TTC1: variants seen among roughly 807,000 people sequenced by gnomAD.
The protein encoded by TTC1 is tetratricopeptide repeat protein 1.
A neutral mutation model predicts 37.6 loss-of-function variants in TTC1; 31 were observed. The ratio of observed to expected loss-of-function variants is 0.82; its 90% CI spans 0.62 to 1.11. The LOEUF is 1.11. TTC1 is among the 50% of genes most tolerant of loss of function. The probability of loss-of-function intolerance (pLI) is 0.00; values close to 1 mark genes in which losing one functional copy is unlikely to be tolerated. For missense variants in TTC1, 351 were observed against 339.0 expected (o/e 1.04, Z -0.28); for synonymous variants, 127 against 122.4 (o/e 1.04, Z -0.25).
chr5:160,012,587 T>TC (rs1243202790), intron 2 of TTC1, among the ~76,000 whole-genome samples: 1 of 152,130 alleles, frequency 6.6e-6, no homozygotes, highest in Non-Finnish European at 1.5e-5. Flanking sequence ...AAGGCTGGTC[T>TC]CCAACTCCTG....
Position 160,037,843 on chromosome 5 carries a change from A to C in TTC1, c.504+1040A>C, listed in dbSNP as rs932515743. On this transcript the variant is annotated intron_variant, in intron 4 of 7. Coordinates refer to ENST00000231238, the MANE Select transcript of TTC1 (RefSeq NM_003314.3). ...ATGGCTACTTACATCCAAAGTACAA[A>C]GGATAGGTTATTTAACATACCTTTA... 4.6e-5 allele frequency among the ~76,000 whole-genome samples: 7 copies of C among 152,196 alleles called. No homozygotes were observed. In the East Asian group the frequency reaches 1.3e-3, roughly 29 times the overall value.
rs1186252549 is a variant in TTC1, at chr5:160,049,545, A to G, written c.573A>G (p.Ala191=). The G allele has an allele frequency of 1.3e-6, 2 of 1,593,414 alleles. No homozygotes were observed. The highest frequency in any genetic ancestry group is 1.7e-6 in the Non-Finnish European group (2 of 1,172,582). Residue 191 remains alanine (A), a synonymous_variant, in exon 6 of 8, where the codon GCA becomes GCG. Transcript: ENST00000231238. ...AATTAAACCCCAGCTATATCAGGGC[A>G]ATATTGAGGAGAGCAGAGTTGTATG... ...AIQLNPSYIR[A]ILRRAELYEK...
At chr5:160,016,071 A>G (rs1256292969) in intron 2 of TTC1, among the ~76,000 whole-genome samples, 2 of 152,174 alleles carry the variant, frequency 1.3e-5, no homozygotes, top group Admixed American at 6.5e-5. Context: ...TGTAGTATAC[A>G]ATGCAGTTGT....
intron 7 of TTC1, among the ~76,000 whole-genome samples, chr5:160,052,548 CAAAAAAA>C (rs557157232): frequency 1.1e-3 from 74 of 68,098 alleles, no homozygotes; most frequent in Middle Eastern, 0.011. Context: ...TCTATTTTAG[CAAAAAAA>C]AAAAAAAAAA....
At chr5:160,031,670 C>T (rs1224139180) in intron 2 of TTC1, among the ~76,000 whole-genome samples, 2 of 151,952 alleles carry the variant, frequency 1.3e-5, no homozygotes, top group Non-Finnish European at 2.9e-5. Flanking sequence ...TGGAGCCTTT[C>T]GCTTTGCTAC....
intron 4 of TTC1, chr5:160,039,106 G>A (rs1472668106): frequency 6.6e-6 from 1 of 152,164 alleles, no homozygotes; most frequent in African/African-American, 2.4e-5. Flanking sequence ...AAGAGGTAAA[G>A]ATGAAGAATT....
intron 7 of TTC1, among the ~76,000 whole-genome samples, chr5:160,051,666 A>C (rs1025635621): frequency 2.0e-5 from 3 of 152,222 alleles, no homozygotes; most frequent in African/African-American, 7.2e-5. Context: ...AAGAGAAATC[A>C]GACTGGGGGT....
intron 2 of TTC1, among the ~76,000 whole-genome samples, chr5:160,019,692 A>C (rs896761222): frequency 6.8e-6 from 1 of 146,482 alleles, no homozygotes; most frequent in African/African-American, 2.5e-5. Flanking sequence ...GATTCAAGCG[A>C]TTCTCTCTCT....
At chr5:160,014,014 A>G (rs1012797070) in intron 2 of TTC1, among the ~76,000 whole-genome samples, 4 of 152,184 alleles carry the variant, frequency 2.6e-5, no homozygotes, top group African/African-American at 4.8e-5. Flanking sequence ...GCTATTGAGC[A>G]CTTGAAATGT....
At chr5:160,013,350 G>A (rs971434330) in intron 2 of TTC1, among the ~76,000 whole-genome samples, 2 of 151,662 alleles carry the variant, frequency 1.3e-5, no homozygotes, top group African/African-American at 4.8e-5. Context: ...ACAGGATAGT[G>A]TTATATTTGA....
intron 5 of TTC1, among the ~76,000 whole-genome samples, chr5:160,045,506 ACACACACATACACACTCTCTCTCTCT>A (rs1561634818): frequency 1.1e-5 from 1 of 87,856 alleles, no homozygotes; most frequent in African/African-American, 4.6e-5. Flanking sequence ...ACACACACAC[ACACACACATACACACTCTCTCTCTCT>A]CTCTCTCTCT....
intron 5 of TTC1, among the ~76,000 whole-genome samples, chr5:160,045,473 C>T (rs1404322671): frequency 2.0e-5 from 2 of 101,976 alleles, no homozygotes; most frequent in African/African-American, 8.4e-5. Context: ...CACACACACA[C>T]ACACACACAC....
chr5:160,043,102 C>T, intron 4 of TTC1, 31 bp from the exon 5 acceptor site: 1 of 1,609,364 alleles, frequency 6.2e-7, no homozygotes, highest in Non-Finnish European at 8.5e-7. Context: ...AAAACTAGGG[C>T]AACACATATT....
chr5:160,011,877 A>G (rs1756507885), intron 2 of TTC1, among the ~76,000 whole-genome samples: 1 of 152,198 alleles, frequency 6.6e-6, no homozygotes. Flanking sequence ...TGAGATAATA[A>G]ATGTTCAGCC....
At chr5:160,033,600 A>G (rs768596216) in intron 2 of TTC1, among the ~76,000 whole-genome samples, 4 of 152,250 alleles carry the variant, frequency 2.6e-5, no homozygotes, top group African/African-American at 7.2e-5. Flanking sequence ...ACAGTTCCAC[A>G]TGGCTATAGA....
chr5:160,042,368 C>G lies in TTC1; in HGVS notation c.505-765C>G, dbSNP rs73309359. Among the ~76,000 whole-genome samples, 748 of 152,280 alleles carry G rather than the reference C, an allele frequency of 4.9e-3. 4 individuals are homozygous for G. Among genetic ancestry groups the G allele is most frequent in the African/African-American group, 0.017 (720 of 41,552 alleles). On this transcript the variant is annotated intron_variant, in intron 4 of 7. Transcript: ENST00000231238. ...TTTGAAATACCTTATTTCTGTAATA[C>G]AAAAATTCCTAATTTCAGGAAAATG...
chr5:160,025,926 A>T (rs923108002), intron 2 of TTC1, among the ~76,000 whole-genome samples: 2 of 152,214 alleles, frequency 1.3e-5, no homozygotes, highest in Non-Finnish European at 2.9e-5. Context: ...GATCTGTCCT[A>T]GCTCTATCAT....
intron 2 of TTC1, among the ~76,000 whole-genome samples, chr5:160,018,821 C>T (rs527352854): frequency 1.3e-5 from 2 of 152,184 alleles, no homozygotes; most frequent in East Asian, 1.9e-4. Flanking sequence ...TGCAGTAGCC[C>T]AGTGAAGATG....
In TTC1 at chr5:160,010,532, G is replaced by A. The variant is rs778149258; in HGVS notation, c.4G>A (p.Gly2Arg). 1.2e-6 allele frequency: 2 copies of A among 1,611,738 alleles called. No individual in the cohort carries two copies. Among genetic ancestry groups the A allele is most frequent in the Non-Finnish European group, 1.7e-6 (2 of 1,178,068 alleles). ...GTCACCTCCCTCACTGGGCAGCATG[G>A]GGGAGAAGTCAGAGAACTGTGGGGT... M[G>R]EKSENCGVPE... The change falls in exon 2 of 8, where the codon GGG becomes AGG. Residue 2 changes from glycine to arginine, a missense_variant. By Grantham distance (125) the Gly-to-Arg change is moderately radical (BLOSUM62 -2). Transcript: ENST00000231238.
Sources: gnomAD v4.1 joint callset for allele counts (sites outside exome capture counted in the v4.1 genomes callset) on GRCh38, gnomAD v4.1.1 for gene constraint, MANE v1.5 for transcripts, NCBI Gene and HGNC (gene_info 2026-07-23, HGNC 2026-07-21) for gene names.